The following ZFP64 variants were observed in gnomAD, a reference collection of about 807,000 sequenced individuals.
The protein encoded by ZFP64 is zinc finger protein 64.
In ZFP64, 14 loss-of-function variants were observed where a neutral mutation model predicts 51.6. That is an observed-to-expected ratio of 0.27 (90% CI 0.18 to 0.42). ZFP64 has a LOEUF of 0.42. Ranked by LOEUF, ZFP64 falls within the 10% of genes least tolerant of loss-of-function variation. The pLI, the probability that ZFP64 is intolerant of heterozygous loss-of-function variation, is 1.00. For missense variants in ZFP64, 754 were observed against 906.8 expected (o/e 0.83, Z 2.16); for synonymous variants, 375 against 361.4 (o/e 1.04, Z -0.43).
intron 2 of ZFP64, among the ~76,000 whole-genome samples, chr20:52,168,117 CT>C (rs1372095462): frequency 3.9e-5 from 6 of 152,144 alleles, no homozygotes; most frequent in African/African-American, 1.4e-4. Context: ...TCTTTGGCAC[CT>C]TCAGTAGTGA....
chr20:52,168,585 T>C (rs139011403), intron 2 of ZFP64, among the ~76,000 whole-genome samples: 1,530 of 152,272 alleles, frequency 0.01, 28 homozygotes, highest in African/African-American at 0.034. Flanking sequence ...TTAAGAACCA[T>C]TAGCAGAGAC....
intron 5 of ZFP64, among the ~76,000 whole-genome samples, chr20:52,141,434 TG>T (rs1196701914): frequency 6.6e-6 from 1 of 152,086 alleles, no homozygotes; most frequent in Non-Finnish European, 1.5e-5. Context: ...TCATGATTCT[TG>T]GGGGGAGGTC....
rs369873858 is a variant in ZFP64 at position 52,110,996 on chromosome 20, A to G, written c.764-12409T>C. On this transcript the variant is annotated intron_variant, in intron 5 of 8. Transcript: ENST00000361387. ...CTGCTTTTGGGAATGACCTTGTAGA[A>G]AGTGACCGTATCCAGGGGAAGGGCG... The G allele has an allele frequency of 1.3e-4, 194 of 1,500,950 alleles. No homozygotes were observed. In the African/African-American group the frequency reaches 2.2e-3, roughly 17 times the overall value. The allele number at this position is 1,500,950 out of a possible 1,614,324, so 93.0% of individuals were successfully genotyped here. A position where few individuals can be genotyped will look rare whatever the true frequency, so the allele number is the denominator to read the frequency against.
intron 5 of ZFP64, among the ~76,000 whole-genome samples, chr20:52,121,578 AGAGGTTGGCTCTT>A (rs1175280590): frequency 6.6e-6 from 1 of 152,236 alleles, no homozygotes; most frequent in South Asian, 2.1e-4. Flanking sequence ...TTGGAAGGTA[AGAGGTTGGCTCTT>A]GAGGTTTAAG....
At position 52,152,528 on chromosome 20, in the gene ZFP64, G is replaced by A. The variant is rs770892003; in HGVS notation, c.1664C>T (p.Ser555Leu). 1.3e-5 allele frequency: 20 copies of A among 1,595,944 alleles called. No individual in the cohort carries two copies. Among genetic ancestry groups the A allele is most frequent in the South Asian group, 9.0e-5 (8 of 88,428 alleles). ...QVSLIAPPQSSRCPSEAGAMT... is the reference protein window; with the variant it reads ...QVSLIAPPQSLRCPSEAGAMT... ...TGCGCCCGCCTCGCTCGGACACCGC[G>A]AGGACTGAGGGGGGGCGATCAGACT... Residue 555 changes from serine (S) to leucine (L), a missense_variant, in exon 6 of 6, where the codon TCG becomes TTG. Around this residue, in one of 3 missense-constraint regions of ZFP64, gnomAD observed 428 missense variants for 472.4 expected, o/e 0.91. Coordinates refer to ENST00000216923, the MANE Select transcript of ZFP64 (RefSeq NM_018197.3).
At chr20:52,084,942 C>G (rs2078848530) in exon 9 of ZFP64, 2 of 1,613,784 alleles carry the variant, frequency 1.2e-6, no homozygotes, top group Non-Finnish European at 1.7e-6. Context: ...ACGGTCCTTA[C>G]AGTGGACTCT....
intron 5 of ZFP64, among the ~76,000 whole-genome samples, chr20:52,134,871 A>G (rs1160992736): frequency 1.3e-5 from 2 of 152,014 alleles, no homozygotes; most frequent in African/African-American, 4.8e-5. Flanking sequence ...TGTTATTTTT[A>G]TATTTTTTTG....
chr20:52,094,731 C>G (rs1156790267), intron 7 of ZFP64, among the ~76,000 whole-genome samples: 2 of 150,076 alleles, frequency 1.3e-5, no homozygotes, highest in Non-Finnish European at 2.9e-5. Flanking sequence ...AGAGAAGACC[C>G]TGTCTCAAAA....
At chr20:52,142,003 A>C (rs1486568682) in intron 5 of ZFP64, among the ~76,000 whole-genome samples, 2 of 152,210 alleles carry the variant, frequency 1.3e-5, no homozygotes. Context: ...TAATATTTAT[A>C]CATGGGCATA....
intron 8 of ZFP64, among the ~76,000 whole-genome samples, chr20:52,086,453 C>T (rs2078865012): frequency 6.6e-6 from 1 of 150,700 alleles, no homozygotes; most frequent in South Asian, 2.1e-4. Context: ...CATCCACTCT[C>T]ATAATTTTGT....
chr20:52,097,435 C>T (rs1456441970), exon 7 of ZFP64: 2 of 1,595,308 alleles, frequency 1.3e-6, no homozygotes, highest in African/African-American at 1.4e-5. Flanking sequence ...GAAGTGGCAA[C>T]CTAGAAAAGA....
At chr20:52,155,815 C>T (rs752016202) in intron 5 of ZFP64, among the ~76,000 whole-genome samples, 1 of 152,018 alleles carries the variant, frequency 6.6e-6, no homozygotes, top group East Asian at 1.9e-4. Context: ...GATGAATGAG[C>T]GACATATATT....
intron 5 of ZFP64, chr20:52,104,543 GC>G: frequency 2.8e-6 from 1 of 360,610 alleles, no homozygotes; most frequent in Non-Finnish European, 5.5e-6. Flanking sequence ...CCCACCGTCT[GC>G]CCCCATCACC....
intron 5 of ZFP64, among the ~76,000 whole-genome samples, chr20:52,133,170 A>T (rs1979802831): frequency 6.6e-6 from 1 of 152,190 alleles, no homozygotes; most frequent in South Asian, 2.1e-4. Flanking sequence ...TCATGATAAA[A>T]ACCCTCAAAA....
At chr20:52,156,541 G>C (rs879743997) in intron 5 of ZFP64, among the ~76,000 whole-genome samples, 4 of 152,212 alleles carry the variant, frequency 2.6e-5, no homozygotes, top group African/African-American at 4.8e-5. Context: ...ACTAATAAGA[G>C]AGCCCAGCCA....
chr20:52,176,700 G>A (rs1437255592), intron 2 of ZFP64, among the ~76,000 whole-genome samples: 2 of 151,272 alleles, frequency 1.3e-5, no homozygotes, highest in African/African-American at 4.9e-5. Flanking sequence ...TAGTAGAGAC[G>A]GGGTTTCACC....
chr20:52,091,222 G>C (rs574611159), intron 7 of ZFP64, among the ~76,000 whole-genome samples: 4 of 151,930 alleles, frequency 2.6e-5, no homozygotes, highest in Non-Finnish European at 5.9e-5. Flanking sequence ...TATAGGTCAG[G>C]TGCTGTGGCT....
downstream of ZFP64, among the ~76,000 whole-genome samples, chr20:52,149,441 G>A (rs1042134553): frequency 6.6e-6 from 1 of 152,054 alleles, no homozygotes; most frequent in Admixed American, 6.5e-5. Flanking sequence ...TTGACCCACA[G>A]GACTGTCAAT....
intron 4 of ZFP64, among the ~76,000 whole-genome samples, chr20:52,161,160 G>A (rs752328508): frequency 3.3e-5 from 5 of 152,162 alleles, no homozygotes; most frequent in East Asian, 3.9e-4. Context: ...ACAGTTACAC[G>A]GGACAGATAC....
Sources: gnomAD v4.1 joint callset for allele counts (sites outside exome capture counted in the v4.1 genomes callset) on GRCh38, gnomAD v4.1.1 for gene constraint, gnomAD v4.1.1 regional missense constraint, MANE v1.5 for transcripts, NCBI Gene and HGNC (gene_info 2026-07-23, HGNC 2026-07-21) for gene names.